SH3GL3: variants seen among roughly 807,000 people sequenced by gnomAD.
SH3GL3 encodes SH3 domain containing GRB2 like 3, endophilin A3.
SH3GL3 carries 33 observed loss-of-function variants against 47.7 expected under a neutral mutation model. The ratio of observed to expected loss-of-function variants is 0.69; its 90% confidence interval spans 0.52 to 0.92. The LOEUF is 0.92. Among genes scored for constraint, SH3GL3 ranks in the 40% least tolerant of loss-of-function variants. SH3GL3 has a pLI of 0.00. For synonymous variants in SH3GL3, 155 were observed against 148.8 expected (o/e 1.04, Z -0.30); for missense variants, 363 against 417.8 (o/e 0.87, Z 1.14).
chr15:83,568,696 G>C (rs761774535), intron 4 of SH3GL3, 24 bp downstream of exon 4: 23 of 1,597,166 alleles, frequency 1.4e-5, no homozygotes, highest in Admixed American at 6.7e-5. Flanking sequence ...AGATCAGCTG[G>C]GGGAGCTGAG....
At chr15:83,471,818 G>T (rs1485041303) in intron 1 of SH3GL3, among the ~76,000 whole-genome samples, 2 of 152,018 alleles carry the variant, frequency 1.3e-5, no homozygotes, top group African/African-American at 2.4e-5. Flanking sequence ...CTGGTTTCAA[G>T]ATATTTTTTC....
chr15:83,456,888 T>C (rs998950148), intron 1 of SH3GL3, among the ~76,000 whole-genome samples: 2 of 152,238 alleles, frequency 1.3e-5, no homozygotes, highest in African/African-American at 2.4e-5. Flanking sequence ...CTTGACAAGA[T>C]TTTTTTGATA....
chr15:83,600,152 C>G (rs1324706752), intron 8 of SH3GL3, among the ~76,000 whole-genome samples: 1 of 152,142 alleles, frequency 6.6e-6, no homozygotes, highest in Non-Finnish European at 1.5e-5. Flanking sequence ...TGTCTGTACA[C>G]TCTGACTGTT....
Position 83,448,748 on chromosome 15 carries a change from C to A in SH3GL3, c.45+1170C>A, listed in dbSNP as rs1255801511. Among the ~76,000 whole-genome samples the A allele has an allele frequency of 2.0e-5, 3 of 151,968 alleles. No individual in the cohort carries two copies. The highest frequency in any genetic ancestry group is 4.4e-5 in the Non-Finnish European group (3 of 68,004). ...CAATTAGAAGATTCTCTTCTTCTAG[C>A]CCCAGTTCCAGGCTGAAAGGCACTG... On this transcript the variant is annotated intron_variant, in intron 1 of 8. Transcript: ENST00000427482. This position sits in a 1 kb window ranked among gnomAD's most constrained non-coding sequence, Gnocchi z 4.2.
At chr15:83,629,463 G>T in the SH3GL3 span, among the ~76,000 whole-genome samples, 1 of 152,092 alleles carries the variant, frequency 6.6e-6, no homozygotes, top group Non-Finnish European at 1.5e-5. Flanking sequence ...AATAAAAGTT[G>T]TTTTCTGCAA....
chr15:83,626,680 ATTCAGGGATTAGAGT>A, the SH3GL3 span, among the ~76,000 whole-genome samples: 1 of 152,204 alleles, frequency 6.6e-6, no homozygotes, highest in Non-Finnish European at 1.5e-5. Flanking sequence ...GTAGGAGGGA[ATTCAGGGATTAGAGT>A]AGCACTTGGT....
intron 1 of SH3GL3, among the ~76,000 whole-genome samples, chr15:83,544,003 C>T: frequency 6.6e-6 from 1 of 151,610 alleles, no homozygotes; most frequent in Non-Finnish European, 1.5e-5. Flanking sequence ...TTTTCTTTTT[C>T]AATTTTATTT....
At chr15:83,604,911 C>G (rs761322625) in intron 8 of SH3GL3, among the ~76,000 whole-genome samples, 1 of 152,182 alleles carries the variant, frequency 6.6e-6, no homozygotes, top group African/African-American at 2.4e-5. Flanking sequence ...TTCCAAGATT[C>G]ATGATTACAG....
intron 1 of SH3GL3, among the ~76,000 whole-genome samples, chr15:83,461,772 C>T (rs190356193): frequency 2.8e-4 from 43 of 152,182 alleles, no homozygotes; most frequent in Admixed American, 5.9e-4. Context: ...CTTGATTTGG[C>T]CTTCTTGCTT....
intron 1 of SH3GL3, among the ~76,000 whole-genome samples, chr15:83,483,958 A>G (rs2041483778): frequency 6.6e-6 from 1 of 152,218 alleles, no homozygotes; most frequent in African/African-American, 2.4e-5. Context: ...TCCAGGGAGA[A>G]TGTTGGTGCT....
rs1567318555 is a variant in SH3GL3 at position 83,541,310 on chromosome 15, C to CAATT, written c.46-17943_46-17942insAATT. ...GGGATGGCTGGATCATATGGTAATT[C>CAATT]TATTTTTTTTTTTTTTTTTTTTTTT... On this transcript the variant is annotated intron_variant, in intron 1 of 8. Coordinates refer to ENST00000427482, the MANE Select transcript of SH3GL3 (RefSeq NM_003027.5). 1.5e-4 allele frequency among the ~76,000 whole-genome samples: 7 copies of CAATT among 47,750 alleles called. 1 individual carries two copies. The highest frequency in any genetic ancestry group is 3.9e-4 in the African/African-American group (6 of 15,292). The allele number at this position is 47,750 out of a possible 152,430, so 31.3% of individuals were successfully genotyped here. A position where few individuals can be genotyped will look rare whatever the true frequency, so the allele number is the denominator to read the frequency against.
At chr15:83,587,728 TC>T (rs1567016074) in intron 7 of SH3GL3, among the ~76,000 whole-genome samples, 2 of 152,204 alleles carry the variant, frequency 1.3e-5, no homozygotes, top group Non-Finnish European at 2.9e-5. Context: ...GTGAATTTAA[TC>T]ATAGATGTAG....
intron 3 of SH3GL3, among the ~76,000 whole-genome samples, chr15:83,566,430 G>A (rs1273414355): frequency 6.6e-6 from 1 of 151,470 alleles, no homozygotes; most frequent in Non-Finnish European, 1.5e-5. Context: ...TGAAGCCTTT[G>A]GGCTTGGGGA....
chr15:83,570,070 A>G (rs2045741866), intron 4 of SH3GL3, among the ~76,000 whole-genome samples: 1 of 152,152 alleles, frequency 6.6e-6, no homozygotes, highest in African/African-American at 2.4e-5. Context: ...CATGTTTAGA[A>G]AATCTTTTTC....
At chr15:83,604,456 T>C (rs988399505) in intron 8 of SH3GL3, among the ~76,000 whole-genome samples, 2 of 151,714 alleles carry the variant, frequency 1.3e-5, no homozygotes, top group East Asian at 2.1e-4. Context: ...CTTATAAAAA[T>C]GAAAAGGTAT....
chr15:83,617,088 C>T (rs757556377), intron 8 of SH3GL3, among the ~76,000 whole-genome samples: 3 of 152,202 alleles, frequency 2.0e-5, no homozygotes, highest in Non-Finnish European at 4.4e-5. Context: ...TAATGGTTTA[C>T]AGCTCTGACT....
Position 83,610,642 on chromosome 15 carries a change from ACT to A in SH3GL3, c.839-7435_839-7434del, listed in dbSNP as rs1193983085. On this transcript the variant is annotated intron_variant, in intron 8 of 8. Transcript: ENST00000427482. ...TATTGCATAGGGATCAAGAACGTGG[ACT>A]CTCTACCTGGCCCGAGGTCAAGTCT... 7.9e-5 allele frequency among the ~76,000 whole-genome samples: 12 copies of A among 152,136 alleles called. No homozygotes were observed. The East Asian group carries it at 2.1e-3, about 27-fold the overall frequency.
intron 8 of SH3GL3, among the ~76,000 whole-genome samples, chr15:83,606,782 A>T (rs1357864968): frequency 1.3e-5 from 2 of 152,204 alleles, no homozygotes; most frequent in African/African-American, 4.8e-5. Flanking sequence ...AGAGGAAGTG[A>T]TTGGACTTAA....
chr15:83,619,480 C>T (rs149949529), downstream of SH3GL3, among the ~76,000 whole-genome samples: 8 of 152,120 alleles, frequency 5.3e-5, no homozygotes, highest in East Asian at 7.7e-4. Context: ...AATACCTAGG[C>T]GATGGGTTGG....
Sources: allele counts gnomAD v4.1 joint callset (sites outside exome capture counted in the v4.1 genomes callset), GRCh38; gene constraint gnomAD v4.1.1; non-coding constraint Gnocchi (gnomAD v3.1); transcripts MANE v1.5; gene names NCBI Gene and HGNC (gene_info 2026-07-23, HGNC 2026-07-21).